Variants in WDR72 observed in about 807,000 individuals in gnomAD.
WDR72 encodes WD repeat-containing protein 72.
Under a neutral mutation model 124.2 loss-of-function variants are expected in WDR72, and 120 were observed. The ratio of observed to expected loss-of-function variants is 0.97; its 90% CI spans 0.83 to 1.12. The LOEUF (loss-of-function observed/expected upper bound fraction) is 1.12, where lower values mean the gene tolerates loss of function less well. WDR72 is among the 50% of genes most tolerant of loss of function. The pLI, the probability that WDR72 is intolerant of heterozygous loss-of-function variation, is 0.00. For missense variants in WDR72, 1,387 were observed against 1,278.8 expected (o/e 1.08, Z -1.29); for synonymous variants, 452 against 441.7 (o/e 1.02, Z -0.29).
chr15:53,561,958 A>G (rs1894139188), intron 18 of WDR72, among the ~76,000 whole-genome samples: 1 of 151,856 alleles, frequency 6.6e-6, no homozygotes, highest in South Asian at 2.1e-4. Context: ...TCAAGTAGTT[A>G]ACATGAATCT....
chr15:53,615,392 T>C (rs1329537041), intron 15 of WDR72, 34 bp downstream of exon 15: 2 of 1,494,966 alleles, frequency 1.3e-6, no homozygotes, highest in East Asian at 2.3e-5. Context: ...AATGTCATAA[T>C]CTAGTATAGT....
intron 1 of WDR72, among the ~76,000 whole-genome samples, chr15:53,745,553 G>C (rs2018622801): frequency 6.6e-6 from 1 of 152,118 alleles, no homozygotes; most frequent in Non-Finnish European, 1.5e-5. Context: ...AAAATGCCTA[G>C]TAAAATGTGA....
intron 13 of WDR72, among the ~76,000 whole-genome samples, chr15:53,697,737 C>T (rs2017046629): frequency 6.6e-6 from 1 of 152,200 alleles, no homozygotes; most frequent in Admixed American, 6.5e-5. Flanking sequence ...GACTAAAATA[C>T]AGTAAATATC....
intron 18 of WDR72, chr15:53,540,997 C>CACGGAGTCA (rs1323200668): frequency 6.3e-6 from 1 of 159,452 alleles, no homozygotes; most frequent in Non-Finnish European, 1.4e-5. Context: ...GTCCTACGCC[C>CACGGAGTCA]ACGGAGTCTC....
At chr15:53,535,558 T>C (rs1185975251) in intron 18 of WDR72, among the ~76,000 whole-genome samples, 1 of 152,164 alleles carries the variant, frequency 6.6e-6, no homozygotes, top group Admixed American at 6.5e-5. Context: ...TACAGCACTG[T>C]TGGAGCCTGC....
At chr15:53,711,000 T>C (rs1450505803) in intron 8 of WDR72, 47 bp from the exon 9 acceptor site, 19 of 1,539,284 alleles carry the variant, frequency 1.2e-5, no homozygotes, top group Non-Finnish European at 1.7e-5. Context: ...TGAGGTTCTT[T>C]ATTCGTTTTT....
chr15:53,711,529 G>T (rs368043146), intron 7 of WDR72, 48 bp from the exon 8 acceptor site: 2 of 1,585,088 alleles, frequency 1.3e-6, no homozygotes, highest in Non-Finnish European at 1.7e-6. Context: ...AATCTAGTCT[G>T]CCAATAAGAT....
chr15:53,692,153 T>C (rs1202427601), intron 13 of WDR72, among the ~76,000 whole-genome samples: 1 of 152,222 alleles, frequency 6.6e-6, no homozygotes, highest in Non-Finnish European at 1.5e-5. Flanking sequence ...GGAATACTTA[T>C]CAGTACACTT....
chr15:53,531,257 G>A (rs1892449944), intron 18 of WDR72, among the ~76,000 whole-genome samples: 3 of 152,004 alleles, frequency 2.0e-5, no homozygotes, highest in Admixed American at 1.3e-4. Flanking sequence ...CGAAAGACAT[G>A]CTTGGATGCT....
chr15:53,736,241 G>C (rs149972856), intron 1 of WDR72, among the ~76,000 whole-genome samples: 1 of 152,290 alleles, frequency 6.6e-6, no homozygotes, highest in Non-Finnish European at 1.5e-5. Flanking sequence ...CAGAGCAAGA[G>C]TGGAGTGTTG....
At chr15:53,691,644 T>C (rs200973168) in intron 13 of WDR72, among the ~76,000 whole-genome samples, 15,610 of 94,358 alleles carry the variant, frequency 0.17, 856 homozygotes, top group African/African-American at 0.2. Context: ...GATAGATAGA[T>C]AGATAGATAG....
At chr15:53,706,155 C>G in intron 9 of WDR72, 81 bp from the exon 10 acceptor site, 2 of 1,393,652 alleles carry the variant, frequency 1.4e-6, no homozygotes, top group Non-Finnish European at 1.0e-6. Context: ...AGAAACAAGA[C>G]TTAATAACTG....
chr15:53,620,452 C>A (rs1465405076), intron 14 of WDR72, among the ~76,000 whole-genome samples: 2 of 151,838 alleles, frequency 1.3e-5, no homozygotes, highest in Admixed American at 6.6e-5. Flanking sequence ...AAAAGCTCTT[C>A]TAAAAATAGT....
intron 14 of WDR72, among the ~76,000 whole-genome samples, chr15:53,639,857 G>A (rs1253733354): frequency 6.6e-6 from 1 of 151,860 alleles, no homozygotes; most frequent in African/African-American, 2.4e-5. Context: ...GCCTTCCTTG[G>A]AGTTCCCATG....
At chr15:53,750,150 T>G (rs1258893415) in intron 1 of WDR72, among the ~76,000 whole-genome samples, 1 of 152,182 alleles carries the variant, frequency 6.6e-6, no homozygotes, top group African/African-American at 2.4e-5. Context: ...CTAGCTAGAA[T>G]GGAGAAGTCA....
Position 53,634,308 on chromosome 15 carries a change from A to C in WDR72, c.1963-18065T>G, listed in dbSNP as rs141826325. Among the ~76,000 whole-genome samples the C allele has an allele frequency of 2.5e-3, 379 of 152,294 alleles. 6 individuals carry two copies. Among genetic ancestry groups the C allele is most frequent in the African/African-American group, 8.7e-3 (362 of 41,560 alleles). ...TCACCTTGCCTCCCATATATCCCAG[A>C]AGAGGTTATGGTGAAACCAGTGACC... On this transcript the variant is annotated intron_variant, in intron 14 of 19. Coordinates refer to ENST00000360509, the MANE Select transcript of WDR72 (RefSeq NM_182758.4).
intron 1 of WDR72, among the ~76,000 whole-genome samples, chr15:53,743,283 TTTAA>T (rs2018557545): frequency 2.6e-5 from 4 of 151,918 alleles, no homozygotes; most frequent in Admixed American, 2.6e-4. Flanking sequence ...ATTTATAGAG[TTTAA>T]TTATATATAG....
intron 2 of WDR72, among the ~76,000 whole-genome samples, chr15:53,728,093 G>A (rs1204880186): frequency 3.9e-5 from 6 of 152,158 alleles, no homozygotes; most frequent in South Asian, 2.1e-4. Context: ...AACTGAGACC[G>A]GGCAATTTAC....
rs1358856813 is a variant in WDR72, at chr15:53,637,741, A to G, written c.1963-21498T>C. 3.9e-5 allele frequency among the ~76,000 whole-genome samples: 6 copies of G among 151,956 alleles called. No homozygotes were observed. The East Asian group carries it at 1.2e-3, about 29-fold the overall frequency. ...CAAATCCTACCTCCTTTAATGCTTCATTCTTGTCTTCCCCAGCCCCATATT... is the reference window on the plus strand; with the variant it reads ...CAAATCCTACCTCCTTTAATGCTTCGTTCTTGTCTTCCCCAGCCCCATATT... On this transcript the variant is annotated intron_variant, in intron 14 of 19. Coordinates refer to ENST00000360509, the MANE Select transcript of WDR72 (RefSeq NM_182758.4).
Sources: gnomAD v4.1 joint callset for allele counts (sites outside exome capture counted in the v4.1 genomes callset) on GRCh38, gnomAD v4.1.1 for gene constraint, MANE v1.5 for transcripts, NCBI Gene and HGNC (gene_info 2026-07-23, HGNC 2026-07-21) for gene names.